The following BPI variants were observed in gnomAD, a reference collection of about 807,000 sequenced individuals.
The protein encoded by BPI is bactericidal permeability-increasing protein.
A neutral mutation model predicts 57.6 loss-of-function variants in BPI; 48 were observed. The observed-to-expected ratio is 0.83, with a 90% CI of 0.66 to 1.06. The LOEUF (loss-of-function observed/expected upper bound fraction) is 1.06, where lower values mean the gene tolerates loss of function less well. Among genes scored for constraint, BPI ranks in the 50% least tolerant of loss-of-function variants. BPI has a pLI of 0.00. For missense variants in BPI, 651 were observed against 609.7 expected (o/e 1.07, Z -0.71); for synonymous variants, 237 against 238.2 (o/e 0.99, Z 0.05).
At chr20:38,327,559 C>T (rs1225960410) in intron 10 of BPI, 29 bp from the exon 11 acceptor site, 1 of 1,611,038 alleles carries the variant, frequency 6.2e-7, no homozygotes, top group Non-Finnish European at 8.5e-7. Context: ...TGGGTCAGGG[C>T]ACTTCACCCT....
chr20:38,327,961 G>T (rs2122553076), intron 11 of BPI, among the ~76,000 whole-genome samples: 1 of 152,300 alleles, frequency 6.6e-6, no homozygotes, highest in South Asian at 2.1e-4. Flanking sequence ...CAGTCCTCAT[G>T]GCTGGGAGGC....
chr20:38,318,494 A>T lies in BPI; in HGVS notation c.664+18A>T. ...TCTGCCAGGTGAGGGCTGGATGAAG[A>T]TCAAGGATAGAAAGGAACAGAAATG... is the stretch of plus-strand genomic sequence containing the variant. On this transcript the variant is annotated intron_variant, in intron 6 of 14. Transcript: ENST00000642449. The T allele has an allele frequency of 6.2e-7, 1 of 1,608,760 alleles. No homozygotes were observed. The highest frequency in any genetic ancestry group is 8.5e-7 in the Non-Finnish European group (1 of 1,175,196).
intron 3 of BPI, 115 bp from the exon 4 acceptor site, chr20:38,310,376 A>G (rs767191024): frequency 7.9e-7 from 1 of 1,266,286 alleles, no homozygotes; most frequent in Admixed American, 2.0e-5. Context: ...CTCTGAACGT[A>G]CCTCCTCACC....
intron 11 of BPI, among the ~76,000 whole-genome samples, chr20:38,329,900 A>G (rs2076733983): frequency 6.6e-6 from 1 of 151,892 alleles, no homozygotes; most frequent in South Asian, 2.1e-4. Flanking sequence ...TTTAGTAGAG[A>G]CATGGTTTCC....
intron 14 of BPI, among the ~76,000 whole-genome samples, chr20:38,336,493 G>A (rs1029371592): frequency 3.3e-5 from 5 of 151,656 alleles, no homozygotes; most frequent in South Asian, 4.2e-4. Flanking sequence ...CCTCCGCAGC[G>A]AAACCGTCAC....
chr20:38,324,919 C>T, intron 9 of BPI, 86 bp downstream of exon 9: 1 of 1,051,318 alleles, frequency 9.5e-7, no homozygotes, highest in Non-Finnish European at 1.5e-6. Flanking sequence ...GAGCCCTCCA[C>T]CCAACATAAC....
At chr20:38,319,496 G>T (rs6024839) in intron 6 of BPI, among the ~76,000 whole-genome samples, 27 of 152,348 alleles carry the variant, frequency 1.8e-4, no homozygotes, top group African/African-American at 4.6e-4. Context: ...TCCTGGGCAG[G>T]TTCAATGCAG....
intron 11 of BPI, among the ~76,000 whole-genome samples, chr20:38,330,259 A>AT (rs1404140090): frequency 1.3e-5 from 2 of 152,068 alleles, no homozygotes; most frequent in Non-Finnish European, 2.9e-5. Flanking sequence ...GAAAAAAAAA[A>AT]GCAAACCGTG....
In BPI at chr20:38,310,479, G is replaced by T; in HGVS notation, c.375-12G>T. ...AAGGACTTGTCCCACATTCCTCTTTGTTCTTCTTCAGAAAAATGAGCGGCA... is the reference window on the plus strand; with the variant it reads ...AAGGACTTGTCCCACATTCCTCTTTTTTCTTCTTCAGAAAAATGAGCGGCA... On this transcript the variant is annotated splice_polypyrimidine_tract_variant and intron_variant, in intron 3 of 14. Transcript: ENST00000642449. 6.2e-7 allele frequency: 1 copy of T among 1,611,056 alleles called. No individual in the cohort carries two copies. Among genetic ancestry groups the T allele is most frequent in the Non-Finnish European group, 8.5e-7 (1 of 1,177,584 alleles).
At position 38,337,465 on chromosome 20, in the gene BPI, T is replaced by C; in HGVS notation, c.*281T>C. On this transcript the variant is annotated 3_prime_UTR_variant, in exon 15 of 15. Coordinates refer to ENST00000642449, the MANE Select transcript of BPI (RefSeq NM_001725.3). ...CAATTGTAACCAAGAAATTTCCATTTGTGCTTCATGAAAAAAAACTTCTGG... is the reference window on the plus strand; with the variant it reads ...CAATTGTAACCAAGAAATTTCCATTCGTGCTTCATGAAAAAAAACTTCTGG... 1 of 344,818 alleles carries C rather than the reference T, an allele frequency of 2.9e-6. No homozygotes were observed. The highest frequency in any genetic ancestry group is 4.9e-5 in the Admixed American group (1 of 20,208). The allele number at this position is 344,818 out of a possible 1,614,324, so 21.4% of individuals were successfully genotyped here.
At position 38,312,134 on chromosome 20, in the gene BPI, A is replaced by T. The variant is rs2076624996; in HGVS notation, c.600+197A>T. On this transcript the variant is annotated intron_variant, in intron 5 of 14. Transcript: ENST00000642449. ...GAGTCCACCAAGAGACCAAGAGACAATCACTTCCCACACTCCCAGCAAACT... is the reference window on the plus strand; with the variant it reads ...GAGTCCACCAAGAGACCAAGAGACATTCACTTCCCACACTCCCAGCAAACT... Among the ~76,000 whole-genome samples, 3 of 152,116 alleles carry T rather than the reference A, an allele frequency of 2.0e-5. No homozygotes were observed. The South Asian group carries it at 6.3e-4, about 32-fold the overall frequency.
At chr20:38,325,450 T>G (rs2076707723) in intron 9 of BPI, among the ~76,000 whole-genome samples, 1 of 152,212 alleles carries the variant, frequency 6.6e-6, no homozygotes, top group Non-Finnish European at 1.5e-5. Context: ...TGCCTCCTTC[T>G]TGTGTCCTCA....
At chr20:38,305,280 G>A (rs1050755128) in intron 1 of BPI, among the ~76,000 whole-genome samples, 3 of 152,228 alleles carry the variant, frequency 2.0e-5, no homozygotes, top group Non-Finnish European at 4.4e-5. Flanking sequence ...GAGCTAGGGG[G>A]AAGGAGTATG....
At chr20:38,306,289 C>T (rs1261435803) in intron 1 of BPI, among the ~76,000 whole-genome samples, 1 of 152,218 alleles carries the variant, frequency 6.6e-6, no homozygotes, top group African/African-American at 2.4e-5. Context: ...CTTGCCTTGG[C>T]TTTCCAAAGT....
rs1462741854 is a variant in BPI at position 38,323,939 on chromosome 20, G to A, written c.826G>A (p.Ala276Thr). 2 of 1,614,144 alleles carry A rather than the reference G, an allele frequency of 1.2e-6. No individual in the cohort carries two copies. Among genetic ancestry groups the A allele is most frequent in the Non-Finnish European group, 8.5e-7 (1 of 1,180,014 alleles). Residue 276 changes from alanine (A) to threonine (T), a missense_variant, in exon 8 of 15, where the codon GCC becomes ACC. Coordinates refer to ENST00000642449, the MANE Select transcript of BPI (RefSeq NM_001725.3). ...TCCACCAGTGATGGAGTTTCCCGCT[G>A]CCCATGACCGCATGGTATACCTGGG... is the stretch of plus-strand genomic sequence containing the variant. ...FAPPVMEFPA[A>T]HDRMVYLGLS...
intron 1 of BPI, among the ~76,000 whole-genome samples, chr20:38,304,978 T>C (rs1383680648): frequency 2.6e-5 from 4 of 152,224 alleles, no homozygotes; most frequent in Non-Finnish European, 4.4e-5. Context: ...TATCCACATT[T>C]ACACGTGAGA....
chr20:38,318,287 A>G (rs1568813212), intron 5 of BPI, 126 bp from the exon 6 acceptor site: 11 of 1,215,292 alleles, frequency 9.1e-6, no homozygotes, highest in Non-Finnish European at 1.3e-5. Flanking sequence ...GAAAAGGGAA[A>G]CTTGATTGGC....
At position 38,324,832 on chromosome 20, in the gene BPI, A is replaced by G. The variant is rs774984479; in HGVS notation, c.992A>G (p.Glu331Gly). The G allele has an allele frequency of 1.1e-5, 17 of 1,610,938 alleles. No individual in the cohort carries two copies. Among genetic ancestry groups the G allele is most frequent in the African/African-American group, 1.3e-5 (1 of 74,796 alleles). ...TTKFFGTFLP[E>G]VAKKFPNMKI... The stretch of plus-strand genomic sequence containing the variant: ...AAGTTCTTTGGAACCTTCCTACCTG[A>G]GGTATGGAAGACCTTGCTTTCCTTT... Residue 331 changes from glutamate (E) to glycine (G), a missense_variant and splice_region_variant, in exon 9 of 15, where the codon GAG becomes GGG. Physicochemically the swap from Glu to Gly is moderately conservative, Grantham distance 98. Coordinates refer to ENST00000642449, the MANE Select transcript of BPI (RefSeq NM_001725.3).
At chr20:38,332,724 C>T (rs1468979188) in intron 12 of BPI, among the ~76,000 whole-genome samples, 1 of 152,030 alleles carries the variant, frequency 6.6e-6, no homozygotes, top group Admixed American at 6.6e-5. Context: ...AGGGAGAAAC[C>T]CAGCTCAAGT....
Sources: allele counts gnomAD v4.1 joint callset (sites outside exome capture counted in the v4.1 genomes callset), GRCh38; gene constraint gnomAD v4.1.1; transcripts MANE v1.5; gene names NCBI Gene and HGNC (gene_info 2026-07-23, HGNC 2026-07-21).